Variants in OPCML observed in about 807,000 individuals in gnomAD.
OPCML encodes the protein opioid binding protein/cell adhesion molecule like, also known as opioid-binding protein/cell adhesion molecule.
In OPCML, 13 loss-of-function variants were observed where a neutral mutation model predicts 37.8. The ratio of observed to expected loss-of-function variants is 0.34; its 90% CI spans 0.22 to 0.55. OPCML has a LOEUF of 0.55. OPCML is among the 20% of genes least tolerant of loss of function. The probability of loss-of-function intolerance (pLI) is 0.91; values close to 1 mark genes in which losing one functional copy is unlikely to be tolerated. For synonymous variants in OPCML, 176 were observed against 168.8 expected, an observed-to-expected ratio of 1.04 and a Z score of -0.33; for missense variants, 341 against 435.6, an observed-to-expected ratio of 0.78 and a Z score of 1.93.
intron 1 of OPCML, among the ~76,000 whole-genome samples, chr11:133,436,161 C>T (rs1013036999): frequency 4.6e-5 from 7 of 151,954 alleles, no homozygotes; most frequent in African/African-American, 1.7e-4. Context: ...GCTAACATAC[C>T]TACTGCAATG....
intron 4 of OPCML, among the ~76,000 whole-genome samples, chr11:132,448,353 C>T (rs2096060699): frequency 6.6e-6 from 1 of 152,198 alleles, no homozygotes; most frequent in South Asian, 2.1e-4. Flanking sequence ...AGGCAAAGTA[C>T]CCACTAACCC....
At chr11:133,102,199 G>T (rs1192873630) in intron 1 of OPCML, among the ~76,000 whole-genome samples, 1 of 152,138 alleles carries the variant, frequency 6.6e-6, no homozygotes, top group South Asian at 2.1e-4. Flanking sequence ...GTAAACTATG[G>T]ACTTTGAATA....
chr11:132,933,531 A>C (rs1416824059), intron 2 of OPCML, among the ~76,000 whole-genome samples: 1 of 152,180 alleles, frequency 6.6e-6, no homozygotes, highest in African/African-American at 2.4e-5. Context: ...CTTGTGAATT[A>C]TTCAACATGG....
At chr11:132,780,217 T>C (rs571314024) in intron 2 of OPCML, among the ~76,000 whole-genome samples, 1 of 152,290 alleles carries the variant, frequency 6.6e-6, no homozygotes, top group Non-Finnish European at 1.5e-5. Context: ...CATTTGCTTC[T>C]GGTAGTTTGC....
intron 1 of OPCML, among the ~76,000 whole-genome samples, chr11:133,097,958 C>A (rs1455514787): frequency 1.3e-5 from 2 of 152,184 alleles, no homozygotes; most frequent in African/African-American, 2.4e-5. Context: ...TATACCAATT[C>A]TCTACAATCT....
At chr11:132,458,918 C>T (rs972714894) in intron 4 of OPCML, among the ~76,000 whole-genome samples, 3 of 152,110 alleles carry the variant, frequency 2.0e-5, no homozygotes, top group Non-Finnish European at 2.9e-5. Flanking sequence ...TTTAATAGCC[C>T]TTTCAGACAA....
chr11:132,711,619 G>A (rs1217382321), intron 2 of OPCML, among the ~76,000 whole-genome samples: 1 of 152,178 alleles, frequency 6.6e-6, no homozygotes, highest in African/African-American at 2.4e-5. Context: ...AGCATTCACT[G>A]TGAATTATCA....
At chr11:133,264,043 G>A (rs1941573843) in intron 1 of OPCML, among the ~76,000 whole-genome samples, 2 of 151,836 alleles carry the variant, frequency 1.3e-5, no homozygotes, top group African/African-American at 2.4e-5. Context: ...TCCCTTCCTG[G>A]ACTCTGAAAA....
chr11:133,219,475 C>T (rs138003412), intron 1 of OPCML, among the ~76,000 whole-genome samples: 10 of 152,260 alleles, frequency 6.6e-5, no homozygotes, highest in Non-Finnish European at 1.5e-4. Flanking sequence ...ATTAAATAAC[C>T]ACCTGTGGCA....
intron 1 of OPCML, among the ~76,000 whole-genome samples, chr11:133,082,722 G>A (rs1948752404): frequency 7.0e-6 from 1 of 142,410 alleles, no homozygotes; most frequent in South Asian, 2.3e-4. Flanking sequence ...CCCCTCTGGA[G>A]ACCGCTTCTC....
rs1173836112 is a variant in OPCML at position 132,602,557 on chromosome 11, G to A, written c.379+54530C>T. On this transcript the variant is annotated intron_variant, in intron 3 of 7. Coordinates refer to ENST00000524381, the MANE Select transcript of OPCML (RefSeq NM_001012393.5). ...CACACATACTGAGTAACCATGATCA[G>A]CAGTTGTCCAAGAGAGCCCTGGCGA... Among the ~76,000 whole-genome samples the A allele has an allele frequency of 3.3e-5, 5 of 152,296 alleles. No homozygotes were observed. In the South Asian group the frequency reaches 6.2e-4, roughly 19 times the overall value.
chr11:133,523,136 G>C (rs1948426936), intron 1 of OPCML, among the ~76,000 whole-genome samples: 1 of 152,148 alleles, frequency 6.6e-6, no homozygotes, highest in Non-Finnish European at 1.5e-5. Flanking sequence ...TTGAAGGGTA[G>C]AGAAACCGAG....
At chr11:132,584,426 T>A (rs1189485063) in intron 3 of OPCML, among the ~76,000 whole-genome samples, 1 of 152,254 alleles carries the variant, frequency 6.6e-6, no homozygotes, top group African/African-American at 2.4e-5. Flanking sequence ...AGGTCAATTA[T>A]TCCTTCATTT....
At chr11:133,109,350 G>C (rs918136780) in intron 1 of OPCML, among the ~76,000 whole-genome samples, 8 of 152,146 alleles carry the variant, frequency 5.3e-5, no homozygotes, top group African/African-American at 1.9e-4. Context: ...ACCGCTGCTG[G>C]CTGGGGGTGG....
At chr11:132,535,637 G>T (rs2096338619) in intron 3 of OPCML, among the ~76,000 whole-genome samples, 1 of 152,210 alleles carries the variant, frequency 6.6e-6, no homozygotes, top group South Asian at 2.1e-4. Context: ...AAGACAGGAT[G>T]CTGGGACACA....
chr11:133,168,489 C>A (rs1271510586), intron 1 of OPCML, among the ~76,000 whole-genome samples: 2 of 152,020 alleles, frequency 1.3e-5, no homozygotes, highest in Non-Finnish European at 2.9e-5. Context: ...AAGAAATGAC[C>A]AAAATTGGTG....
At chr11:132,574,127 GTAGTT>G (rs533473136) in intron 3 of OPCML, among the ~76,000 whole-genome samples, 17 of 149,312 alleles carry the variant, frequency 1.1e-4, no homozygotes, top group African/African-American at 4.3e-4. Context: ...TTTCCCTTAA[GTAGTT>G]TAGTTAAGAA....
intron 3 of OPCML, among the ~76,000 whole-genome samples, chr11:132,547,753 A>T (rs2096372045): frequency 6.6e-6 from 1 of 152,120 alleles, no homozygotes; most frequent in Admixed American, 6.5e-5. Flanking sequence ...AGGGGAAAAA[A>T]AAGTCTCCAT....
At chr11:133,292,982 G>C (rs1942521408) in intron 1 of OPCML, among the ~76,000 whole-genome samples, 1 of 152,180 alleles carries the variant, frequency 6.6e-6, no homozygotes. Context: ...GGCTGCAGAG[G>C]TGGTTGGTCC....
Sources: gnomAD v4.1 joint callset for allele counts (sites outside exome capture counted in the v4.1 genomes callset) on GRCh38, gnomAD v4.1.1 for gene constraint, MANE v1.5 for transcripts, NCBI Gene and HGNC (gene_info 2026-07-23, HGNC 2026-07-21) for gene names.